MARCHF1: variants seen among roughly 807,000 people sequenced by gnomAD.
The protein encoded by MARCHF1 is membrane associated ring-CH-type finger 1, also known as E3 ubiquitin-protein ligase MARCHF1.
A neutral mutation model predicts 54.2 loss-of-function variants in MARCHF1; 40 were observed. The ratio of observed to expected loss-of-function variants is 0.74; its 90% confidence interval spans 0.57 to 0.96. MARCHF1 has a LOEUF of 0.96. Ranked by LOEUF, MARCHF1 falls within the 40% of genes least tolerant of loss-of-function variation. The probability of loss-of-function intolerance (pLI) is 0.00; values close to 1 mark genes in which losing one functional copy is unlikely to be tolerated. For missense variants in MARCHF1, 586 were observed against 656.5 expected (o/e 0.89, Z 1.17); for synonymous variants, 236 against 236.3 (o/e 1.00, Z 0.01).
intron 5 of MARCHF1, among the ~76,000 whole-genome samples, chr4:163,659,218 G>A (rs1743257708): frequency 6.6e-6 from 1 of 151,804 alleles, no homozygotes; most frequent in South Asian, 2.1e-4. Flanking sequence ...AAGGATTCAT[G>A]ATTTTCATGA....
intron 2 of MARCHF1, among the ~76,000 whole-genome samples, chr4:164,062,759 G>A (rs1754646943): frequency 6.6e-6 from 1 of 152,094 alleles, no homozygotes; most frequent in Non-Finnish European, 1.5e-5. Flanking sequence ...TCTGACCTCA[G>A]GTGATCCGCC....
At chr4:164,110,426 GA>G (rs920939324) in intron 2 of MARCHF1, among the ~76,000 whole-genome samples, 72 of 151,642 alleles carry the variant, frequency 4.7e-4, no homozygotes, top group African/African-American at 1.7e-3. Context: ...CCAATTTCAA[GA>G]TTTTTTTGAA....
At chr4:163,725,090 C>A (rs12331988) in intron 4 of MARCHF1, among the ~76,000 whole-genome samples, 5 of 152,084 alleles carry the variant, frequency 3.3e-5, no homozygotes, top group Admixed American at 6.5e-5. Context: ...CACCCGTCTG[C>A]GTCGCTCACG....
At chr4:163,642,112 G>A (rs1004234339) in intron 5 of MARCHF1, among the ~76,000 whole-genome samples, 3 of 152,136 alleles carry the variant, frequency 2.0e-5, no homozygotes, top group Non-Finnish European at 4.4e-5. Flanking sequence ...ATGTGACTTT[G>A]TATTTGGATA....
chr4:163,804,025 C>T (rs796286958), intron 4 of MARCHF1, among the ~76,000 whole-genome samples: 17 of 152,260 alleles, frequency 1.1e-4, no homozygotes, highest in African/African-American at 3.9e-4. Flanking sequence ...CAAGTTAAGG[C>T]TTAAGGTTCA....
chr4:164,053,134 C>T (rs1436363945), intron 2 of MARCHF1, among the ~76,000 whole-genome samples: 1 of 152,092 alleles, frequency 6.6e-6, no homozygotes, highest in Non-Finnish European at 1.5e-5. Context: ...ATTTAGAGAA[C>T]ATTTTGTGAT....
Position 163,944,092 on chromosome 4 carries a change from G to C in MARCHF1, c.-39+44409C>G, listed in dbSNP as rs181556085. 5.7e-4 allele frequency among the ~76,000 whole-genome samples: 85 copies of C among 149,204 alleles called. 1 individual carries two copies. The East Asian group carries it at 0.016, about 28-fold the overall frequency. The stretch of plus-strand genomic sequence containing the variant: ...CTCCATTCTCCTGCCTCAGCCTCCC[G>C]AGTGGCTGGGGCTACAGGCACCTGT... On this transcript the variant is annotated intron_variant, in intron 3 of 9. Coordinates refer to ENST00000514618, the MANE Select transcript of MARCHF1 (RefSeq NM_001394959.1).
intron 3 of MARCHF1, among the ~76,000 whole-genome samples, chr4:163,862,505 G>T (rs958021213): frequency 3.9e-5 from 6 of 152,010 alleles, no homozygotes; most frequent in African/African-American, 1.4e-4. Context: ...ACAACGAGAT[G>T]CCACTACATA....
At chr4:163,751,326 C>A (rs1426972704) in intron 4 of MARCHF1, among the ~76,000 whole-genome samples, 2 of 151,966 alleles carry the variant, frequency 1.3e-5, no homozygotes, top group African/African-American at 2.4e-5. Flanking sequence ...TGTCACTGTG[C>A]TAGGCTTTAT....
chr4:164,015,917 A>G (rs1381655001), intron 2 of MARCHF1, among the ~76,000 whole-genome samples: 2 of 151,486 alleles, frequency 1.3e-5, no homozygotes, highest in East Asian at 1.9e-4. Context: ...AAAAAAAACT[A>G]AAAACAGAAC....
At chr4:163,956,215 AAAAG>A (rs1192179934) in intron 3 of MARCHF1, among the ~76,000 whole-genome samples, 2 of 152,176 alleles carry the variant, frequency 1.3e-5, no homozygotes, top group Non-Finnish European at 2.9e-5. Context: ...ATAGAAAGTT[AAAAG>A]AAAGTCTGCT....
chr4:164,366,128 G>T (rs1730873776), intron 1 of MARCHF1, among the ~76,000 whole-genome samples: 1 of 152,048 alleles, frequency 6.6e-6, no homozygotes, highest in East Asian at 1.9e-4. Context: ...CAGAAAAGTT[G>T]TGTTAAAATC....
intron 5 of MARCHF1, among the ~76,000 whole-genome samples, chr4:163,655,948 A>G (rs1743123299): frequency 6.6e-6 from 1 of 152,026 alleles, no homozygotes; most frequent in Non-Finnish European, 1.5e-5. Context: ...ACCACATCAG[A>G]AAGCTGGGAA....
chr4:163,877,216 C>T (rs756244554), intron 3 of MARCHF1, among the ~76,000 whole-genome samples: 1 of 152,106 alleles, frequency 6.6e-6, no homozygotes, highest in African/African-American at 2.4e-5. Flanking sequence ...ATTTTCATCC[C>T]TACTGAAAAG....
At chr4:164,378,919 G>C (rs1268679729) in intron 1 of MARCHF1, among the ~76,000 whole-genome samples, 2 of 151,922 alleles carry the variant, frequency 1.3e-5, no homozygotes, top group Non-Finnish European at 2.9e-5. Flanking sequence ...CACCATGTTG[G>C]CCAGGCTGGT....
chr4:163,835,291 A>T (rs1414479342), intron 4 of MARCHF1, among the ~76,000 whole-genome samples: 1 of 152,234 alleles, frequency 6.6e-6, no homozygotes, highest in African/African-American at 2.4e-5. Flanking sequence ...GGATAAGACC[A>T]CATTCGTGGT....
chr4:164,012,677 GA>G (rs1753449628), intron 2 of MARCHF1, among the ~76,000 whole-genome samples: 1 of 152,090 alleles, frequency 6.6e-6, no homozygotes, highest in Non-Finnish European at 1.5e-5. Flanking sequence ...CCCAATTTCA[GA>G]TAGCCCAGGG....
At chr4:164,203,381 G>T (rs1731509204) in intron 1 of MARCHF1, among the ~76,000 whole-genome samples, 1 of 152,098 alleles carries the variant, frequency 6.6e-6, no homozygotes, top group East Asian at 1.9e-4. Context: ...TGGAGGATTG[G>T]TAAATCGAAA....
chr4:164,038,396 G>A (rs1754055012), intron 2 of MARCHF1, among the ~76,000 whole-genome samples: 1 of 152,234 alleles, frequency 6.6e-6, no homozygotes, highest in Non-Finnish European at 1.5e-5. Context: ...GGGAGGCTGA[G>A]GCAGGAGAAT....
Sources: gnomAD v4.1 joint callset for allele counts (sites outside exome capture counted in the v4.1 genomes callset) on GRCh38, gnomAD v4.1.1 for gene constraint, MANE v1.5 for transcripts, NCBI Gene and HGNC (gene_info 2026-07-23, HGNC 2026-07-21) for gene names.